The following SASH1 variants were observed in gnomAD, a reference collection of about 807,000 sequenced individuals.
SASH1 encodes SAM and SH3 domain containing 1.
A neutral mutation model predicts 125.2 loss-of-function variants in SASH1; 44 were observed. That is an observed-to-expected ratio of 0.35 (90% CI 0.28 to 0.45). The LOEUF is 0.45. Ranked by LOEUF, SASH1 falls within the 20% of genes least tolerant of loss-of-function variation. The probability of loss-of-function intolerance (pLI) is 1.00; values close to 1 mark genes in which losing one functional copy is unlikely to be tolerated. For missense variants in SASH1, 1,426 were observed against 1,614.5 expected (o/e 0.88, Z 2.00); for synonymous variants, 639 against 649.1 (o/e 0.98, Z 0.24).
chr6:148,319,267 C>T (rs1248150726), intron 1 of SASH1, among the ~76,000 whole-genome samples: 2 of 151,612 alleles, frequency 1.3e-5, no homozygotes, highest in Non-Finnish European at 2.9e-5. Context: ...GATCTCCTGA[C>T]CTCATGATCC....
At chr6:148,412,401 A>G (rs936777424) in intron 2 of SASH1, among the ~76,000 whole-genome samples, 13 of 152,198 alleles carry the variant, frequency 8.5e-5, no homozygotes, top group Non-Finnish European at 1.5e-4. Flanking sequence ...GCATCCATGA[A>G]TGAAAGAAAA....
At chr6:148,470,699 C>T (rs79018151) in intron 5 of SASH1, among the ~76,000 whole-genome samples, 5 of 152,044 alleles carry the variant, frequency 3.3e-5, no homozygotes, top group South Asian at 2.1e-4. Context: ...ATCGGGGGTG[C>T]GGTGGGTAGA....
At chr6:148,212,051 T>G in the SASH1 span, among the ~76,000 whole-genome samples, 1 of 152,134 alleles carries the variant, frequency 6.6e-6, no homozygotes, top group African/African-American at 2.4e-5. Flanking sequence ...TTCTAGCCAG[T>G]GAACCAACCA....
chr6:148,358,926 G>A (rs1488727145), intron 1 of SASH1, among the ~76,000 whole-genome samples: 2 of 151,570 alleles, frequency 1.3e-5, no homozygotes, highest in African/African-American at 4.8e-5. Flanking sequence ...TAGTAGAGAC[G>A]GGGTTTCACC....
At position 148,532,680 on chromosome 6, in the gene SASH1, T is replaced by C; in HGVS notation, c.1565-117T>C. On this transcript the variant is annotated intron_variant, in intron 13 of 19. Transcript: ENST00000367467. This position sits in a 1 kb window ranked among gnomAD's most constrained non-coding sequence, Gnocchi z 4.7. ...CCTGGTCCTGACAGAGGGTTGTGGC[T>C]CAAGGCTTCCTTTCTCTGGGCCTTC... 1 of 1,252,178 alleles carries C rather than the reference T, an allele frequency of 8.0e-7. No individual in the cohort carries two copies. The highest frequency in any genetic ancestry group is 1.1e-6 in the Non-Finnish European group (1 of 885,726). The allele number at this position is 1,252,178 out of a possible 1,614,324, so 77.6% of individuals were successfully genotyped here.
the SASH1 span, among the ~76,000 whole-genome samples, chr6:148,266,719 G>T: frequency 1.3e-5 from 2 of 152,044 alleles, no homozygotes; most frequent in Non-Finnish European, 2.9e-5. Flanking sequence ...TCCCACCTCA[G>T]CTTCCCAAGT....
intron 8 of SASH1, among the ~76,000 whole-genome samples, chr6:148,507,319 C>T (rs1046305622): frequency 2.4e-4 from 36 of 152,122 alleles, no homozygotes; most frequent in Admixed American, 1.2e-3. Context: ...CGTGGTAAAA[C>T]ATGACCCTCC....
At chr6:148,199,523 C>A in the SASH1 span, among the ~76,000 whole-genome samples, 1 of 152,058 alleles carries the variant, frequency 6.6e-6, no homozygotes, top group Non-Finnish European at 1.5e-5. Flanking sequence ...TATAGTGAGA[C>A]CCCATCTCTA....
chr6:148,532,054 A>G lies in SASH1; in HGVS notation c.1564+393A>G, dbSNP rs1163787406. On this transcript the variant is annotated intron_variant, in intron 13 of 19. Transcript: ENST00000367467. This position sits in a 1 kb window ranked among gnomAD's most constrained non-coding sequence, Gnocchi z 4.7. ...TGGTAGTTGGAGTTGGCTGAATGGT[A>G]TGAAGGAAAAGATCAACTTTATTTT... Among the ~76,000 whole-genome samples the G allele has an allele frequency of 6.6e-6, 1 of 152,142 alleles. No individual in the cohort carries two copies. Among genetic ancestry groups the G allele is most frequent in the African/African-American group, 2.4e-5 (1 of 41,436 alleles).
rs1330915346 is a variant in SASH1 at position 148,527,553 on chromosome 6, G to C, written c.1385G>C (p.Arg462Thr). The C allele has an allele frequency of 1.3e-5, 21 of 1,610,872 alleles. No homozygotes were observed. The highest frequency in any genetic ancestry group is 1.8e-5 in the Non-Finnish European group (21 of 1,179,156). The change falls in exon 12 of 20, where the codon AGA becomes ACA. Residue 462 changes from arginine (R) to threonine (T), a missense_variant. Arg to Thr is a moderately conservative substitution (Grantham distance 71). Coordinates refer to ENST00000367467, the MANE Select transcript of SASH1 (RefSeq NM_015278.5). Reference protein sequence around the residue: ...KKVKSVKETMRKRMSKKYSSS... With the variant: ...KKVKSVKETMTKRMSKKYSSS... The stretch of plus-strand genomic sequence containing the variant: ...GTGAAATCAGTGAAAGAGACGATGA[G>C]AAAGAGAATGTCTAAAAAATACAGC...
At chr6:148,198,134 G>A in the SASH1 span, among the ~76,000 whole-genome samples, 5 of 152,154 alleles carry the variant, frequency 3.3e-5, no homozygotes, top group African/African-American at 9.7e-5. Flanking sequence ...ACAGGCATGA[G>A]CTGCCGTGCC....
At chr6:148,326,337 T>TATATATATATATATATGC (rs1554235293) in intron 1 of SASH1, among the ~76,000 whole-genome samples, 2 of 77,320 alleles carry the variant, frequency 2.6e-5, no homozygotes, top group African/African-American at 1.1e-4. Flanking sequence ...TATATATATA[T>TATATATATATATATATGC]ATATATATAT....
intron 7 of SASH1, among the ~76,000 whole-genome samples, chr6:148,475,914 A>G (rs953850387): frequency 1.7e-4 from 26 of 152,212 alleles, no homozygotes; most frequent in African/African-American, 6.0e-4. Flanking sequence ...TAAAAATAAA[A>G]TAGAGCAATT....
rs937181234 is a variant in SASH1, at chr6:148,519,316, A to G, written c.863-231A>G. 2.6e-5 allele frequency among the ~76,000 whole-genome samples: 4 copies of G among 152,236 alleles called. No homozygotes were observed. Among genetic ancestry groups the G allele is most frequent in the African/African-American group, 4.8e-5 (2 of 41,460 alleles). On this transcript the variant is annotated intron_variant, in intron 9 of 19. Coordinates refer to ENST00000367467, the MANE Select transcript of SASH1 (RefSeq NM_015278.5). The surrounding 1 kb of genome is among the most constrained non-coding windows in gnomAD (Gnocchi z 4.8). ...TTTTAAATACGCCTGTGAAGGTGTTAGGTCTACAAAGATATTTAAAGAAGA... is the reference window on the plus strand; with the variant it reads ...TTTTAAATACGCCTGTGAAGGTGTTGGGTCTACAAAGATATTTAAAGAAGA...
intron 16 of SASH1, among the ~76,000 whole-genome samples, chr6:148,536,821 T>C (rs1781874907): frequency 1.3e-5 from 2 of 152,188 alleles, no homozygotes; most frequent in African/African-American, 2.4e-5. Context: ...AGGAGCATTT[T>C]GTAGGAGGGT....
chr6:148,499,913 T>C (rs1467162717), intron 8 of SASH1, among the ~76,000 whole-genome samples: 1 of 152,188 alleles, frequency 6.6e-6, no homozygotes, highest in Admixed American at 6.5e-5. Context: ...TTATATAATT[T>C]ATGTTTTTTA....
chr6:148,230,337 T>C, the SASH1 span, among the ~76,000 whole-genome samples: 2 of 152,250 alleles, frequency 1.3e-5, no homozygotes, highest in Admixed American at 1.3e-4. Flanking sequence ...GATTTTTGTT[T>C]CTTTTTCTTT....
intron 7 of SASH1, among the ~76,000 whole-genome samples, chr6:148,483,490 A>G (rs6570857): frequency 0.7 from 106,833 of 152,046 alleles, 37,874 homozygotes; most frequent in African/African-American, 0.78. Context: ...GTTGAAAGAA[A>G]GCTTTTAAGA....
At chr6:148,230,192 C>T in the SASH1 span, among the ~76,000 whole-genome samples, 13 of 152,264 alleles carry the variant, frequency 8.5e-5, no homozygotes, top group Middle Eastern at 6.8e-3. Context: ...GATTCTTTCA[C>T]GCACCACAAT....
Sources: allele counts gnomAD v4.1 joint callset (sites outside exome capture counted in the v4.1 genomes callset), GRCh38; gene constraint gnomAD v4.1.1; non-coding constraint Gnocchi (gnomAD v3.1); transcripts MANE v1.5; gene names NCBI Gene and HGNC (gene_info 2026-07-23, HGNC 2026-07-21).